SPATA6: variants seen among roughly 807,000 people sequenced by gnomAD.
SPATA6 encodes the protein spermatogenesis-associated protein 6.
SPATA6 carries 56 observed loss-of-function variants against 65.3 expected under a neutral mutation model. That is an observed-to-expected ratio of 0.86 (90% CI 0.69 to 1.07). The LOEUF (loss-of-function observed/expected upper bound fraction) is 1.07, where lower values mean the gene tolerates loss of function less well. Among genes scored for constraint, SPATA6 ranks in the 50% least tolerant of loss-of-function variants. SPATA6 has a pLI of 0.00. For synonymous variants in SPATA6, 199 were observed against 213.2 expected, an observed-to-expected ratio of 0.93 and a Z score of 0.58; for missense variants, 590 against 594.8, an observed-to-expected ratio of 0.99 and a Z score of 0.08.
intron 9 of SPATA6, among the ~76,000 whole-genome samples, chr1:48,373,750 G>C (rs958396131): frequency 1.3e-5 from 2 of 152,208 alleles, no homozygotes; most frequent in Admixed American, 1.3e-4. Context: ...CAGCAAGAGA[G>C]AATGAGGAAG....
chr1:48,313,991 C>G (rs150535042), intron 11 of SPATA6, among the ~76,000 whole-genome samples: 11,981 of 152,278 alleles, frequency 0.079, 634 homozygotes, highest in East Asian at 0.23. Context: ...GAAGAGCTAA[C>G]TATCCTAAAT....
chr1:48,367,694 G>C (rs1647071692), intron 9 of SPATA6, among the ~76,000 whole-genome samples: 1 of 152,132 alleles, frequency 6.6e-6, no homozygotes, highest in South Asian at 2.1e-4. Context: ...GTGTGTCTCT[G>C]CACATGAGAT....
At chr1:48,310,647 A>C (rs1014611679) in intron 11 of SPATA6, among the ~76,000 whole-genome samples, 2 of 152,200 alleles carry the variant, frequency 1.3e-5, no homozygotes, top group East Asian at 3.8e-4. Context: ...GAAGACAGCA[A>C]TATTTGATTT....
intron 1 of SPATA6, among the ~76,000 whole-genome samples, chr1:48,468,677 A>C (rs1202517616): frequency 6.6e-6 from 1 of 152,124 alleles, no homozygotes; most frequent in East Asian, 1.9e-4. Context: ...AATTGACCAA[A>C]ACCAACTGAG....
chr1:48,280,860 G>A, the SPATA6 span, among the ~76,000 whole-genome samples: 1 of 152,176 alleles, frequency 6.6e-6, no homozygotes, highest in East Asian at 1.9e-4. Flanking sequence ...TGATACCAAA[G>A]CCGAGCAGAG....
chr1:48,449,323 A>C (rs1656347085), intron 3 of SPATA6, among the ~76,000 whole-genome samples: 3 of 152,208 alleles, frequency 2.0e-5, no homozygotes, highest in African/African-American at 7.2e-5. Context: ...CTGGAGCCAA[A>C]TTATCATTCT....
chr1:48,277,388 T>G, the SPATA6 span, among the ~76,000 whole-genome samples: 4 of 152,300 alleles, frequency 2.6e-5, no homozygotes, highest in Admixed American at 2.6e-4. Flanking sequence ...TTGCCTCACT[T>G]GGGAAGCGCA....
At chr1:48,275,715 T>C in the SPATA6 span, among the ~76,000 whole-genome samples, 1 of 152,234 alleles carries the variant, frequency 6.6e-6, no homozygotes, top group African/African-American at 2.4e-5. Flanking sequence ...TGAAGGCAAC[T>C]TGATCATGGC....
chr1:48,429,500 A>G (rs1654205639), intron 3 of SPATA6, among the ~76,000 whole-genome samples: 1 of 152,188 alleles, frequency 6.6e-6, no homozygotes, highest in Admixed American at 6.5e-5. Context: ...AACTAGGGAA[A>G]CAGGAAAAAC....
chr1:48,399,578 T>C lies in SPATA6; in HGVS notation c.553A>G (p.Arg185Gly). ...GACTTGGATTTTTTCTTTTGTGATC[T>C]TGATGTTCTGTTTTGCAGTCTGCCA... is the stretch of plus-strand genomic sequence containing the variant. ...SHGRLQNRTS[R>G]SQKKKSKSPE... The change falls in exon 7 of 13, where the codon AGA becomes GGA. Residue 185 changes from arginine to glycine, a missense_variant. Transcript: ENST00000371847. 3 of 1,612,794 alleles carry C rather than the reference T, an allele frequency of 1.9e-6. No individual in the cohort carries two copies. The highest frequency in any genetic ancestry group is 8.5e-7 in the Non-Finnish European group (1 of 1,179,230).
chr1:48,276,868 C>A, the SPATA6 span, among the ~76,000 whole-genome samples: 1 of 152,108 alleles, frequency 6.6e-6, no homozygotes, highest in South Asian at 2.1e-4. Flanking sequence ...GAGCTGAATT[C>A]AAGTCCTGAA....
At chr1:48,291,605 A>G (rs901014508), downstream of SPATA6, among the ~76,000 whole-genome samples, 16 of 152,090 alleles carry the variant, frequency 1.1e-4, no homozygotes, top group African/African-American at 3.6e-4. Flanking sequence ...CCCCTCACCC[A>G]GTAGCACTGA....
chr1:48,423,178 C>T (rs891736231), intron 3 of SPATA6, among the ~76,000 whole-genome samples: 2 of 151,894 alleles, frequency 1.3e-5, no homozygotes, highest in East Asian at 1.9e-4. Flanking sequence ...AAAAGTAGGC[C>T]GGGCATGGTG....
At chr1:48,470,062 T>C (rs1044425762) in intron 1 of SPATA6, among the ~76,000 whole-genome samples, 2 of 152,160 alleles carry the variant, frequency 1.3e-5, no homozygotes, top group African/African-American at 4.8e-5. Flanking sequence ...TGGGGAAAAA[T>C]ATTATTTCCA....
intron 3 of SPATA6, chr1:48,436,905 A>G: frequency 6.2e-7 from 1 of 1,613,540 alleles, no homozygotes; most frequent in Non-Finnish European, 8.5e-7. Flanking sequence ...CTGGAATTGG[A>G]GAAAGTGTGC....
At chr1:48,325,632 T>C in intron 11 of SPATA6, 1 of 710,964 alleles carries the variant, frequency 1.4e-6, no homozygotes, top group Non-Finnish European at 2.6e-6. Context: ...TATGTCAGGT[T>C]ATCAAGCTTA....
intron 11 of SPATA6, among the ~76,000 whole-genome samples, chr1:48,321,239 C>T (rs1475157635): frequency 2.0e-5 from 3 of 151,840 alleles, no homozygotes; most frequent in Non-Finnish European, 4.4e-5. Flanking sequence ...AAATTAAAAA[C>T]AACAACAACA....
intron 4 of SPATA6, among the ~76,000 whole-genome samples, chr1:48,412,452 TAA>T (rs1231341630): frequency 6.6e-6 from 1 of 152,218 alleles, no homozygotes; most frequent in Non-Finnish European, 1.5e-5. Flanking sequence ...TTTAGAATGA[TAA>T]GTTAGTTTCC....
At chr1:48,411,822 G>A (rs1189891277) in intron 4 of SPATA6, among the ~76,000 whole-genome samples, 2 of 151,822 alleles carry the variant, frequency 1.3e-5, no homozygotes, top group Admixed American at 6.6e-5. Context: ...TTATATGTCA[G>A]TTACCATCTC....
Sources: allele counts gnomAD v4.1 joint callset (sites outside exome capture counted in the v4.1 genomes callset), GRCh38; gene constraint gnomAD v4.1.1; transcripts MANE v1.5; gene names NCBI Gene and HGNC (gene_info 2026-07-23, HGNC 2026-07-21).